POM121: variants seen among roughly 807,000 people sequenced by gnomAD.
The protein encoded by POM121 is POM121 transmembrane nucleoporin, also known as nuclear envelope pore membrane protein POM 121.
POM121 carries 32 observed loss-of-function variants against 81.3 expected under a neutral mutation model. The ratio of observed to expected loss-of-function variants is 0.39; its 90% confidence interval spans 0.30 to 0.53. POM121 has a LOEUF of 0.53. Among genes scored for constraint, POM121 ranks in the 20% least tolerant of loss-of-function variants. The pLI is 0.66. For missense variants in POM121, 1,138 were observed against 1,614.6 expected, an observed-to-expected ratio of 0.70 and a Z score of 5.06; for synonymous variants, 514 against 694.2, an observed-to-expected ratio of 0.74 and a Z score of 4.08.
At chr7:72,910,930 C>G (rs1188561166) in intron 3 of POM121, among the ~76,000 whole-genome samples, 5 of 152,038 alleles carry the variant, frequency 3.3e-5, no homozygotes, top group Admixed American at 3.3e-4. Context: ...CAGCCCTTCT[C>G]TTCTCTACCT....
intron 5 of POM121, among the ~76,000 whole-genome samples, chr7:72,932,760 A>G (rs1252503893): frequency 6.6e-6 from 1 of 152,096 alleles, no homozygotes; most frequent in African/African-American, 2.4e-5. Flanking sequence ...CAGGTTAAAA[A>G]TAGTATCTAA....
chr7:72,936,444 A>G (rs1563163646), intron 5 of POM121, among the ~76,000 whole-genome samples: 3 of 149,768 alleles, frequency 2.0e-5, no homozygotes, highest in Non-Finnish European at 3.0e-5. Flanking sequence ...CACCCGGCTA[A>G]TTTTTTGTAT....
At chr7:72,921,661 C>T (rs1203802686), upstream of POM121, among the ~76,000 whole-genome samples, 3 of 152,140 alleles carry the variant, frequency 2.0e-5, no homozygotes, top group Non-Finnish European at 2.9e-5. Flanking sequence ...CAACAGCATG[C>T]GTTAAACCAA....
chr7:72,888,680 G>A (rs1316877495), intron 1 of POM121, among the ~76,000 whole-genome samples: 1 of 122,020 alleles, frequency 8.2e-6, no homozygotes, highest in African/African-American at 2.6e-5. Flanking sequence ...ATAAGAGTGT[G>A]TGTGTGTGTG....
chr7:72,948,507 G>C, downstream of POM121: 1 of 1,613,398 alleles, frequency 6.2e-7, no homozygotes, highest in African/African-American at 1.3e-5. Flanking sequence ...CGGTGTGCAA[G>C]CACCGGCTGC....
chr7:72,938,139 ACTTTT>A (rs1379935719), intron 5 of POM121, among the ~76,000 whole-genome samples: 3 of 151,722 alleles, frequency 2.0e-5, no homozygotes, highest in African/African-American at 4.8e-5. Context: ...ACTTTTATAG[ACTTTT>A]CTTCTTTTGC....
At chr7:72,913,541 T>G (rs1296561738) in intron 3 of POM121, among the ~76,000 whole-genome samples, 1 of 152,144 alleles carries the variant, frequency 6.6e-6, no homozygotes, top group Non-Finnish European at 1.5e-5. Context: ...CTGTCTAGCC[T>G]CCGTGTTCCT....
intron 1 of POM121, 65 bp from the exon 2 acceptor site, chr7:72,926,197 A>T: frequency 6.8e-7 from 1 of 1,471,714 alleles, no homozygotes; most frequent in Non-Finnish European, 9.2e-7. Flanking sequence ...GTGGGTTTTT[A>T]ACCGTTTAAA....
At chr7:72,909,509 G>T (rs1468856273) in intron 3 of POM121, among the ~76,000 whole-genome samples, 1 of 152,192 alleles carries the variant, frequency 6.6e-6, no homozygotes, top group Non-Finnish European at 1.5e-5. Flanking sequence ...TTCTATATTA[G>T]CAGGCACTCA....
At chr7:72,931,406 A>G (rs1411885993) in intron 5 of POM121, among the ~76,000 whole-genome samples, 2 of 152,182 alleles carry the variant, frequency 1.3e-5, no homozygotes, top group East Asian at 3.8e-4. Context: ...TTTAGGAGAG[A>G]TAAGATAGAC....
chr7:72,949,057 C>G, downstream of POM121: 1 of 1,613,450 alleles, frequency 6.2e-7, no homozygotes, highest in African/African-American at 1.3e-5. Context: ...ACGCACCGGG[C>G]TAGGTGTCCC....
chr7:72,927,803 G>T (rs1262416471), intron 3 of POM121, among the ~76,000 whole-genome samples: 10 of 152,170 alleles, frequency 6.6e-5, no homozygotes, highest in Admixed American at 6.5e-4. Flanking sequence ...AGTTGAAGTG[G>T]CTGAGCATTT....
At chr7:72,922,186 T>C (rs575026365), upstream of POM121, among the ~76,000 whole-genome samples, 7 of 152,238 alleles carry the variant, frequency 4.6e-5, no homozygotes, top group South Asian at 6.2e-4. Context: ...GTGTATATTA[T>C]TAGGTATTTG....
chr7:72,940,221 C>T lies in POM121; in HGVS notation c.1564-193C>T, dbSNP rs1230881615. Among the ~76,000 whole-genome samples, 7 of 150,454 alleles carry T rather than the reference C, an allele frequency of 4.7e-5. No homozygotes were observed. In the East Asian group the frequency reaches 9.7e-4, roughly 21 times the overall value. On this transcript the variant is annotated intron_variant, in intron 8 of 12. Coordinates refer to ENST00000434423, the MANE Select transcript of POM121 (RefSeq NM_001387691.1). Reference sequence around the variant, plus strand: ...CTGGGATTACAGGTGCTTGCTACCACGCCTGGTTGATTTTTTGTGTTTTTA... The same window carrying T: ...CTGGGATTACAGGTGCTTGCTACCATGCCTGGTTGATTTTTTGTGTTTTTA...
At chr7:72,939,760 C>T (rs1586178046) in intron 7 of POM121, 87 bp from the exon 8 acceptor site, 3 of 1,610,450 alleles carry the variant, frequency 1.9e-6, no homozygotes, top group Non-Finnish European at 1.7e-6. Flanking sequence ...CCATTGAAAA[C>T]TCAATGTGAA....
At chr7:72,930,338 A>C (rs192495108) in intron 5 of POM121, among the ~76,000 whole-genome samples, 13 of 152,370 alleles carry the variant, frequency 8.5e-5, no homozygotes, top group Non-Finnish European at 1.5e-4. Context: ...ATTGATTAGC[A>C]AAGGTTTACT....
In POM121 at chr7:72,898,302, C is replaced by T. The variant is rs74193813; in HGVS notation, c.-216+7192C>T. 0.01 allele frequency among the ~76,000 whole-genome samples: 1,570 copies of T among 152,244 alleles called. 75 individuals are homozygous for T. In the East Asian group the frequency reaches 0.13, roughly 13 times the overall value. ...ACAGATGGAGTCTCACTAAGTTGCC[C>T]AGGCTGGTCTCAAACTCCTGGGCTC... On this transcript the variant is annotated intron_variant, in intron 3 of 15. Transcript: ENST00000395270.
chr7:72,947,053 TC>T lies in POM121; in HGVS notation c.*821del. On this transcript the variant is annotated 3_prime_UTR_variant, in exon 13 of 13. Transcript: ENST00000434423. ...GCCCCATTGGGCCCTCGTCTGCCTC[TC>T]CAGGATTGTATGTTTCAAGCCTTGT... The T allele has an allele frequency of 1.5e-6, 1 of 666,740 alleles. No homozygotes were observed. Among genetic ancestry groups the T allele is most frequent in the Non-Finnish European group, 1.8e-6 (1 of 557,038 alleles). 41.3% of individuals were successfully genotyped at this position (666,740 alleles called of 1,614,324 possible). A position where few individuals can be genotyped will look rare whatever the true frequency, so the allele number is the denominator to read the frequency against.
chr7:72,903,610 T>G (rs544359473), intron 3 of POM121, among the ~76,000 whole-genome samples: 2 of 152,278 alleles, frequency 1.3e-5, no homozygotes, highest in African/African-American at 2.4e-5. Context: ...TCTGAAAGTC[T>G]CTCTGCCATT....
Sources: gnomAD v4.1 joint callset for allele counts (sites outside exome capture counted in the v4.1 genomes callset) on GRCh38, gnomAD v4.1.1 for gene constraint, MANE v1.5 for transcripts, NCBI Gene and HGNC (gene_info 2026-07-23, HGNC 2026-07-21) for gene names.